Variants in PLCL2 observed in about 807,000 individuals in gnomAD.
PLCL2 encodes phospholipase C like 2.
Under a neutral mutation model 79.6 loss-of-function variants are expected in PLCL2, and 4 were observed. The ratio of observed to expected loss-of-function variants is 0.05; its 90% CI spans 0.02 to 0.11. The LOEUF is 0.11. Ranked by LOEUF, PLCL2 falls within the 10% of genes least tolerant of loss-of-function variation. PLCL2 has a pLI of 1.00. For missense variants in PLCL2, 895 were observed against 1,291.0 expected (o/e 0.69, Z 4.70); for synonymous variants, 484 against 457.7 (o/e 1.06, Z -0.73).
At chr3:17,089,033 C>T (rs1345341396) in intron 5 of PLCL2, among the ~76,000 whole-genome samples, 2 of 152,150 alleles carry the variant, frequency 1.3e-5, no homozygotes, top group Non-Finnish European at 2.9e-5. Flanking sequence ...TGCGTGCCCA[C>T]GGCTGCCAGC....
chr3:16,929,767 C>T (rs1697351058), intron 1 of PLCL2, among the ~76,000 whole-genome samples: 1 of 152,148 alleles, frequency 6.6e-6, no homozygotes, highest in African/African-American at 2.4e-5. Context: ...CTCTCTGTAT[C>T]CTGACATAGG....
At chr3:16,915,612 CTT>C (rs1404234349) in intron 1 of PLCL2, among the ~76,000 whole-genome samples, 2 of 152,028 alleles carry the variant, frequency 1.3e-5, no homozygotes, top group African/African-American at 4.8e-5. Context: ...TTTTTTTCCT[CTT>C]CTTATTCAGA....
chr3:16,998,292 C>T (rs763884686), intron 1 of PLCL2, among the ~76,000 whole-genome samples: 1 of 152,052 alleles, frequency 6.6e-6, no homozygotes, highest in Non-Finnish European at 1.5e-5. Context: ...TAGAATTGAT[C>T]ATATTTTTCG....
chr3:16,928,171 G>A (rs1575533663), intron 1 of PLCL2, among the ~76,000 whole-genome samples: 1 of 152,206 alleles, frequency 6.6e-6, no homozygotes, highest in South Asian at 2.1e-4. Flanking sequence ...TGATACACAG[G>A]ATAGGCAGAT....
chr3:17,059,440 ATG>A (rs1553649905), intron 4 of PLCL2, among the ~76,000 whole-genome samples: 1 of 134,650 alleles, frequency 7.4e-6, no homozygotes, highest in Non-Finnish European at 1.6e-5. Context: ...GTATATATAT[ATG>A]TGTGTGTGTG....
At chr3:16,940,637 A>T (rs1697657505) in intron 1 of PLCL2, among the ~76,000 whole-genome samples, 1 of 152,134 alleles carries the variant, frequency 6.6e-6, no homozygotes, top group South Asian at 2.1e-4. Flanking sequence ...CTAAAATAAG[A>T]GTTGGAAAAA....
At chr3:16,904,191 T>G (rs1696696233) in intron 1 of PLCL2, among the ~76,000 whole-genome samples, 1 of 152,038 alleles carries the variant, frequency 6.6e-6, no homozygotes, top group Non-Finnish European at 1.5e-5. Flanking sequence ...TTTTGTCAAG[T>G]CTGCTGGCCA....
At position 17,031,872 on chromosome 3, in the gene PLCL2, T is replaced by TTAC. The variant is rs144179152; in HGVS notation, c.3019-11002_3019-11001insTAC. On this transcript the variant is annotated intron_variant, in intron 3 of 5. Transcript: ENST00000615277. ...TAGCTTTTCTGGATAGTTTTATAAT[T>TTAC]GCAGCAGAGTTCCTTTGCAGGGTAG... is the stretch of plus-strand genomic sequence containing the variant. Among the ~76,000 whole-genome samples the TTAC allele has an allele frequency of 3.0e-4, 46 of 151,952 alleles. No individual in the cohort carries two copies. In the East Asian group the frequency reaches 7.7e-3, roughly 26 times the overall value.
intron 4 of PLCL2, among the ~76,000 whole-genome samples, chr3:17,049,975 A>T (rs1261286172): frequency 6.6e-6 from 1 of 152,202 alleles, no homozygotes; most frequent in Non-Finnish European, 1.5e-5. Context: ...ATAATGGTAT[A>T]AAAGCAGACA....
At chr3:16,939,121 A>G (rs901271395) in intron 1 of PLCL2, among the ~76,000 whole-genome samples, 5 of 151,806 alleles carry the variant, frequency 3.3e-5, no homozygotes, top group South Asian at 2.1e-4. Flanking sequence ...TGAAAGTACA[A>G]TTCTCCCTGT....
intron 5 of PLCL2, among the ~76,000 whole-genome samples, chr3:17,087,307 A>G (rs935209087): frequency 3.3e-5 from 5 of 152,368 alleles, no homozygotes; most frequent in Admixed American, 2.6e-4. Flanking sequence ...CATCCAGACA[A>G]TGGAATATTA....
At chr3:16,948,984 C>T (rs931821495) in intron 1 of PLCL2, among the ~76,000 whole-genome samples, 4 of 152,140 alleles carry the variant, frequency 2.6e-5, no homozygotes, top group Admixed American at 6.5e-5. Context: ...GTTCAGACAA[C>T]GCAACTGTTG....
At chr3:16,935,707 G>A (rs1697522392) in intron 1 of PLCL2, among the ~76,000 whole-genome samples, 1 of 152,078 alleles carries the variant, frequency 6.6e-6, no homozygotes, top group South Asian at 2.1e-4. Context: ...GACATTTGAT[G>A]TTATATATGT....
chr3:16,979,193 A>G (rs980976702), intron 1 of PLCL2, among the ~76,000 whole-genome samples: 6 of 152,152 alleles, frequency 3.9e-5, no homozygotes, highest in Non-Finnish European at 5.9e-5. Context: ...AAAAGCCTCA[A>G]TTAAATCTAT....
At chr3:16,889,297 G>A (rs971629126) in intron 1 of PLCL2, among the ~76,000 whole-genome samples, 7 of 152,172 alleles carry the variant, frequency 4.6e-5, no homozygotes, top group African/African-American at 1.7e-4. Context: ...GCACTCCATT[G>A]CTTCCCCACA....
intron 3 of PLCL2, among the ~76,000 whole-genome samples, chr3:17,041,157 T>TA (rs1222474694): frequency 6.6e-6 from 1 of 152,232 alleles, no homozygotes; most frequent in African/African-American, 2.4e-5. Flanking sequence ...TCTTAACGAT[T>TA]CATTTTTATT....
At chr3:17,080,124 C>T (rs1478218057) in intron 5 of PLCL2, among the ~76,000 whole-genome samples, 1 of 152,184 alleles carries the variant, frequency 6.6e-6, no homozygotes, top group African/African-American at 2.4e-5. Flanking sequence ...ATGTTCCATG[C>T]CCATCAAACG....
chr3:16,890,561 T>C (rs1362704524), intron 1 of PLCL2, among the ~76,000 whole-genome samples: 2 of 152,242 alleles, frequency 1.3e-5, no homozygotes, highest in East Asian at 1.9e-4. Context: ...TTTATACTTA[T>C]GTGTTCAAGA....
intron 1 of PLCL2, among the ~76,000 whole-genome samples, chr3:16,928,321 A>G (rs745309481): frequency 3.3e-5 from 5 of 152,218 alleles, no homozygotes; most frequent in Non-Finnish European, 5.9e-5. Context: ...TAGCTGAGAC[A>G]TCTGTGGAGG....
Sources: gnomAD v4.1 joint callset for allele counts (sites outside exome capture counted in the v4.1 genomes callset) on GRCh38, gnomAD v4.1.1 for gene constraint, MANE v1.5 for transcripts, NCBI Gene and HGNC (gene_info 2026-07-23, HGNC 2026-07-21) for gene names.